LRIG1: variants seen among roughly 807,000 people sequenced by gnomAD.
LRIG1 encodes leucine-rich repeats and immunoglobulin-like domains protein 1.
In LRIG1, 48 loss-of-function variants were observed where a neutral mutation model predicts 99.2. The observed-to-expected ratio is 0.48, with a 90% CI of 0.38 to 0.62. The LOEUF (loss-of-function observed/expected upper bound fraction) is 0.62. LRIG1 is among the 20% of genes least tolerant of loss of function. The probability of loss-of-function intolerance (pLI) is 0.00; values close to 1 mark genes in which losing one functional copy is unlikely to be tolerated. For missense variants in LRIG1, 1,646 were observed against 1,434.4 expected (o/e 1.15, Z -2.38); for synonymous variants, 772 against 596.1 (o/e 1.29, Z -4.30).
At chr3:66,468,762 T>C (rs1700532809) in intron 1 of LRIG1, among the ~76,000 whole-genome samples, 2 of 152,206 alleles carry the variant, frequency 1.3e-5, no homozygotes, top group Non-Finnish European at 2.9e-5. Flanking sequence ...GATTCGTCCT[T>C]TCAAAATTTC....
chr3:66,463,227 CAAGT>C (rs1182444110), intron 1 of LRIG1, among the ~76,000 whole-genome samples: 1 of 152,184 alleles, frequency 6.6e-6, no homozygotes, highest in Admixed American at 6.5e-5. Context: ...AGTCAAAGTT[CAAGT>C]GAGTGTTTAG....
intron 5 of LRIG1, among the ~76,000 whole-genome samples, 160 bp from the exon 6 acceptor site, chr3:66,413,174 G>A (rs966281772): frequency 2.0e-5 from 3 of 152,162 alleles, no homozygotes; most frequent in Non-Finnish European, 2.9e-5. Flanking sequence ...CATGTGTCTC[G>A]GCTGCCATGC....
chr3:66,442,454 A>G (rs531450996), intron 3 of LRIG1, among the ~76,000 whole-genome samples: 22 of 150,486 alleles, frequency 1.5e-4, no homozygotes, highest in Non-Finnish European at 2.1e-4. Flanking sequence ...GAGGGGGAGG[A>G]GGAGGAGGAG....
At chr3:66,393,436 G>A (rs990971693) in intron 12 of LRIG1, among the ~76,000 whole-genome samples, 1 of 152,230 alleles carries the variant, frequency 6.6e-6, no homozygotes, top group African/African-American at 2.4e-5. Context: ...TGTGTTTTCA[G>A]CTGTTCAGCA....
In LRIG1 at chr3:66,380,488, C is replaced by T. The variant is rs1211209657; in HGVS notation, c.3057G>A (p.Gly1019=). 2 of 1,613,978 alleles carry T rather than the reference C, an allele frequency of 1.2e-6. No homozygotes were observed. The highest frequency in any genetic ancestry group is 1.7e-6 in the Non-Finnish European group (2 of 1,180,010). Residue 1019 remains glycine (G), a splice_region_variant and synonymous_variant, in exon 19 of 19, where the codon GGG becomes GGA. Transcript: ENST00000273261. The part of the protein sequence containing the change: ...KKPMASLDGK[G]DSSWTLARLY... Reference sequence around the variant, plus strand: ...ACCTTGCTAAAGTCCAGGAAGAATCCCCTACAAGGAAAGAACGAACCTGTC... The same window carrying T: ...ACCTTGCTAAAGTCCAGGAAGAATCTCCTACAAGGAAAGAACGAACCTGTC...
chr3:66,483,158 G>A (rs918988949), intron 1 of LRIG1, among the ~76,000 whole-genome samples: 5 of 152,032 alleles, frequency 3.3e-5, no homozygotes, highest in Admixed American at 1.3e-4. Context: ...CCAAGATCTC[G>A]ATAGCCATTA....
chr3:66,430,307 T>G (rs1416291354), intron 3 of LRIG1, among the ~76,000 whole-genome samples: 1 of 152,236 alleles, frequency 6.6e-6, no homozygotes, highest in Admixed American at 6.5e-5. Flanking sequence ...CTGACAGACC[T>G]ATTTAAAAGC....
At position 66,381,485 on chromosome 3, in the gene LRIG1, T is replaced by C; in HGVS notation, c.2764A>G (p.Lys922Glu). ...EKAEGTPGPH[K>E]MEHGGRVVCS... is the part of the protein sequence containing the mutation. ...AATGGGAAGCATCTCATACCCATCT[T>C]ATGTGGCCCAGGTGTCCCTTCAGCT... Residue 922 changes from lysine (K) to glutamate (E), a missense_variant, in exon 17 of 19, where the codon AAG (lysine) becomes GAG (glutamate). By Grantham distance (56) the Lys-to-Glu change is moderately conservative (BLOSUM62 1). Coordinates refer to ENST00000273261, the MANE Select transcript of LRIG1 (RefSeq NM_015541.3). 1 of 1,613,042 alleles carries C rather than the reference T, an allele frequency of 6.2e-7. No homozygotes were observed. Among genetic ancestry groups the C allele is most frequent in the Non-Finnish European group, 8.5e-7 (1 of 1,179,088 alleles).
In LRIG1 at chr3:66,380,258, A is replaced by G; in HGVS notation, c.*5T>C. 1.9e-6 allele frequency: 3 copies of G among 1,608,434 alleles called. No individual in the cohort carries two copies. The highest frequency in any genetic ancestry group is 2.5e-6 in the Non-Finnish European group (3 of 1,176,586). ...TGGTATGACAAGAACTGAGGTAGAC[A>G]AAACCTAGCTTTTTGGTGCCAACAG... On this transcript the variant is annotated 3_prime_UTR_variant, in exon 19 of 19. Transcript: ENST00000273261.
chr3:66,424,408 C>T (rs536960172), intron 3 of LRIG1, among the ~76,000 whole-genome samples: 1 of 152,298 alleles, frequency 6.6e-6, no homozygotes, highest in Admixed American at 6.5e-5. Context: ...GCAGGGAAGC[C>T]TTCCCACCTC....
intron 3 of LRIG1, among the ~76,000 whole-genome samples, chr3:66,431,488 C>A (rs926261819): frequency 6.6e-6 from 1 of 152,180 alleles, no homozygotes; most frequent in African/African-American, 2.4e-5. Flanking sequence ...AAAGAAGGCT[C>A]CGCCAACTAG....
chr3:66,400,025 G>A (rs1701999173), intron 9 of LRIG1, among the ~76,000 whole-genome samples: 1 of 152,312 alleles, frequency 6.6e-6, no homozygotes, highest in South Asian at 2.1e-4. Flanking sequence ...GACCCCAGAC[G>A]TTACATGATG....
At chr3:66,474,250 G>T (rs766136174) in intron 1 of LRIG1, among the ~76,000 whole-genome samples, 1 of 152,068 alleles carries the variant, frequency 6.6e-6, no homozygotes, top group Non-Finnish European at 1.5e-5. Context: ...CTGTGAAAAT[G>T]ACTAGGCCAC....
At chr3:66,499,991 G>C (rs899391312) in intron 1 of LRIG1, among the ~76,000 whole-genome samples, 199 bp downstream of exon 1, 14 of 151,524 alleles carry the variant, frequency 9.2e-5, no homozygotes, top group Admixed American at 8.5e-4. Context: ...AGGCTCTCTC[G>C]CACGCCTACT....
At chr3:66,400,120 G>T (rs1013425732) in intron 9 of LRIG1, among the ~76,000 whole-genome samples, 2 of 152,206 alleles carry the variant, frequency 1.3e-5, no homozygotes, top group African/African-American at 2.4e-5. Flanking sequence ...CTGCCTCCAG[G>T]CAACTCTGAT....
At chr3:66,424,360 C>G (rs191437081) in intron 3 of LRIG1, among the ~76,000 whole-genome samples, 6 of 152,134 alleles carry the variant, frequency 3.9e-5, no homozygotes, top group African/African-American at 1.4e-4. Context: ...GTCTCCCCCC[C>G]ATGAAGGTTA....
In LRIG1 at chr3:66,459,628, T is replaced by C. The variant is rs143280424; in HGVS notation, c.290+2810A>G. On this transcript the variant is annotated intron_variant, in intron 2 of 18. Transcript: ENST00000273261. ...TGTTCTATTTCCCCCATACCACTTATCTCCAATAAGTCTTACTGGTTTCCT... is the reference window on the plus strand; with the variant it reads ...TGTTCTATTTCCCCCATACCACTTACCTCCAATAAGTCTTACTGGTTTCCT... Among the ~76,000 whole-genome samples, 1,419 of 152,284 alleles carry C rather than the reference T, an allele frequency of 9.3e-3. 26 individuals carry two copies. The highest frequency in any genetic ancestry group is 0.032 in the African/African-American group (1,332 of 41,572).
Position 66,383,127 on chromosome 3 carries a change from GGGC to G in LRIG1, c.2343_2345del (p.Pro782del). On this transcript the variant is annotated inframe_deletion, in exon 15 of 19. Transcript: ENST00000273261. ...TCCCATCCTTCCTGCAGCCTGCTGC[GGGC>G]AGGACGCTCAGCTGGCTGTGAGCTC... 1 of 1,614,232 alleles carries G rather than the reference GGGC, an allele frequency of 6.2e-7. No individual in the cohort carries two copies. Among genetic ancestry groups the G allele is most frequent in the Non-Finnish European group, 8.5e-7 (1 of 1,180,046 alleles).
chr3:66,384,282 A>G lies in LRIG1; in HGVS notation c.1790-10T>C, dbSNP rs774531510. On this transcript the variant is annotated splice_polypyrimidine_tract_variant and intron_variant, in intron 13 of 18. Coordinates refer to ENST00000273261, the MANE Select transcript of LRIG1 (RefSeq NM_015541.3). ...GTGAATGATGGCAACACTGGAAAAC[A>G]TACGTATACAGGGTCGGGTTACGGG... 6.2e-7 allele frequency: 1 copy of G among 1,607,514 alleles called. No homozygotes were observed. Among genetic ancestry groups the G allele is most frequent in the Admixed American group, 1.7e-5 (1 of 59,894 alleles).
Sources: allele counts gnomAD v4.1 joint callset (sites outside exome capture counted in the v4.1 genomes callset), GRCh38; gene constraint gnomAD v4.1.1; transcripts MANE v1.5; gene names NCBI Gene and HGNC (gene_info 2026-07-23, HGNC 2026-07-21).